ARHGEF2: variants seen among roughly 807,000 people sequenced by gnomAD.
ARHGEF2 encodes rho guanine nucleotide exchange factor 2.
Under a neutral mutation model 121.0 loss-of-function variants are expected in ARHGEF2, and 22 were observed. The observed-to-expected ratio is 0.18, with a 90% CI of 0.13 to 0.26. The LOEUF is 0.26. ARHGEF2 is among the 10% of genes least tolerant of loss of function. The pLI, the probability that ARHGEF2 is intolerant of heterozygous loss-of-function variation, is 1.00. For missense variants in ARHGEF2, 907 were observed against 1,336.0 expected, an observed-to-expected ratio of 0.68 and a Z score of 5.01; for synonymous variants, 487 against 530.0, an observed-to-expected ratio of 0.92 and a Z score of 1.11.
intron 14 of ARHGEF2, among the ~76,000 whole-genome samples, chr1:155,953,285 T>C (rs149243000): frequency 9.4e-5 from 14 of 148,262 alleles, no homozygotes; most frequent in Admixed American, 6.0e-4. Context: ...AAAAAAAGAT[T>C]TGTGGAAGGG....
chr1:155,973,022 CTT>C (rs1254738343), intron 1 of ARHGEF2, among the ~76,000 whole-genome samples: 1 of 152,078 alleles, frequency 6.6e-6, no homozygotes, highest in Non-Finnish European at 1.5e-5. Flanking sequence ...CATTCTGTCT[CTT>C]TCTCACAAAT....
At chr1:155,964,203 T>A (rs1368683101) in intron 7 of ARHGEF2, among the ~76,000 whole-genome samples, 1 of 132,482 alleles carries the variant, frequency 7.5e-6, no homozygotes, top group African/African-American at 3.0e-5. Context: ...TATATACATA[T>A]ATATATATAT....
chr1:155,952,304 C>G, intron 15 of ARHGEF2, 69 bp from the exon 16 acceptor site: 4 of 1,594,238 alleles, frequency 2.5e-6, no homozygotes, highest in Non-Finnish European at 3.4e-6. Flanking sequence ...CATTCACCCC[C>G]ACATGTGGGA....
Position 155,951,964 on chromosome 1 carries a change from A to G in ARHGEF2, c.2127T>C (p.Asn709=). 2 of 1,614,060 alleles carry G rather than the reference A, an allele frequency of 1.2e-6. No homozygotes were observed. The highest frequency in any genetic ancestry group is 1.7e-6 in the Non-Finnish European group (2 of 1,179,996). ...VTANGEARTF[N]GSIELCRADS... The stretch of plus-strand genomic sequence containing the variant: ...CAGCTCTGCAGAGTTCAATGGAGCC[A>G]TTGAAGGTTCTGGCCTCACCATCTG... Residue 709 remains asparagine, a synonymous_variant, in exon 17 of 22, where the codon AAT becomes AAC. Transcript: ENST00000361247. This position sits in a 1 kb window ranked among gnomAD's most constrained non-coding sequence, Gnocchi z 5.1.
Position 155,961,987 on chromosome 1 carries a change from C to T in ARHGEF2, c.1220-78G>A. On this transcript the variant is annotated intron_variant, in intron 10 of 21. Coordinates refer to ENST00000361247, the MANE Select transcript of ARHGEF2 (RefSeq NM_001162383.2). This position sits in a 1 kb window ranked among gnomAD's most constrained non-coding sequence, Gnocchi z 4.7. ...CAGTTCCCATCGTGTCTTGATTCCA[C>T]CTTTAGAGGCTGCCCAGGGTTTCAC... is the stretch of plus-strand genomic sequence containing the variant. 6.2e-7 allele frequency: 1 copy of T among 1,603,964 alleles called. No individual in the cohort carries two copies. Among genetic ancestry groups the T allele is most frequent in the East Asian group, 2.2e-5 (1 of 44,694 alleles).
chr1:155,965,830 C>T lies in ARHGEF2; in HGVS notation c.341-70G>A. On this transcript the variant is annotated intron_variant, in intron 4 of 21. Coordinates refer to ENST00000361247, the MANE Select transcript of ARHGEF2 (RefSeq NM_001162383.2). This position sits in a 1 kb window ranked among gnomAD's most constrained non-coding sequence, Gnocchi z 6.0. ...CTTCCCAGGATTGAGGCCTCCTAGG[C>T]TCCTCAATGAGGAATGAGGCATCCT... 6.6e-7 allele frequency: 1 copy of T among 1,509,374 alleles called. No individual in the cohort carries two copies. The highest frequency in any genetic ancestry group is 2.3e-5 in the East Asian group (1 of 43,312). The allele number at this position is 1,509,374 out of a possible 1,614,324, so 93.5% of individuals were successfully genotyped here.
At chr1:155,964,167 A>AAAAAATATATATAT (rs1553244640) in intron 7 of ARHGEF2, among the ~76,000 whole-genome samples, 1 of 91,240 alleles carries the variant, frequency 1.1e-5, no homozygotes, top group African/African-American at 6.1e-5. Flanking sequence ...AAAAAAAAAA[A>AAAAAATATATATAT]ATATATATAT....
rs1047659197 is a variant in ARHGEF2, at chr1:155,969,806, G to T, written c.64-506C>A. On this transcript the variant is annotated intron_variant, in intron 1 of 21. Coordinates refer to ENST00000361247, the MANE Select transcript of ARHGEF2 (RefSeq NM_001162383.2). ...CTGCTGTCTCTGTGGCAGTCACAGT[G>T]GGGGGGGCAGGAGATCCCCTTATTA... 123 of 985,812 alleles carry T rather than the reference G, an allele frequency of 1.2e-4. 1 individual carries two copies. Among genetic ancestry groups the T allele is most frequent in the African/African-American group, 4.0e-4 (23 of 56,882 alleles). The allele number at this position is 985,812 out of a possible 1,614,324, so 61.1% of individuals were successfully genotyped here.
intron 14 of ARHGEF2, among the ~76,000 whole-genome samples, chr1:155,953,886 A>G (rs1676049264): frequency 2.6e-5 from 4 of 152,124 alleles, no homozygotes; most frequent in African/African-American, 9.7e-5. Context: ...TAGAGATGAA[A>G]ACTTCATGTT....
intron 11 of ARHGEF2, 79 bp from the exon 12 acceptor site, chr1:155,958,475 C>A: frequency 8.4e-7 from 1 of 1,191,400 alleles, no homozygotes. Flanking sequence ...AAGGACCAGG[C>A]TTATCCCATC....
upstream of ARHGEF2, chr1:155,978,853 TG>T: frequency 1.0e-6 from 1 of 986,596 alleles, no homozygotes; most frequent in Non-Finnish European, 1.2e-6. The surrounding 1 kb of genome is among the most constrained non-coding windows in gnomAD (Gnocchi z 4.1). Context: ...CTTTCCCCTC[TG>T]CCCTCCCCTT....
intron 13 of ARHGEF2, 86 bp downstream of exon 13, chr1:155,957,627 T>G: frequency 1.4e-6 from 2 of 1,444,904 alleles, no homozygotes; most frequent in Non-Finnish European, 1.9e-6. Context: ...TGCTGGATTC[T>G]GTTCCCAGGG....
intron 1 of ARHGEF2, among the ~76,000 whole-genome samples, chr1:155,976,225 A>G (rs1427222379): frequency 6.6e-6 from 1 of 151,790 alleles, no homozygotes; most frequent in Non-Finnish European, 1.5e-5. Flanking sequence ...ACTTCCCACC[A>G]CAGTATAAAA....
At chr1:155,976,350 C>T (rs1681288575) in intron 1 of ARHGEF2, among the ~76,000 whole-genome samples, 1 of 151,870 alleles carries the variant, frequency 6.6e-6, no homozygotes, top group Non-Finnish European at 1.5e-5. Context: ...CCCTCCCCTT[C>T]CGACCGGCCC....
intron 2 of ARHGEF2, among the ~76,000 whole-genome samples, chr1:155,967,404 G>A (rs1679634391): frequency 6.6e-6 from 1 of 152,134 alleles, no homozygotes; most frequent in South Asian, 2.1e-4. Context: ...TTTCATGTAT[G>A]AGGAACCTGT....
Position 155,969,148 on chromosome 1 carries a change from CAACTT to C in ARHGEF2, c.208+3_208+7del. 6.2e-7 allele frequency: 1 copy of C among 1,613,974 alleles called. No individual in the cohort carries two copies. The highest frequency in any genetic ancestry group is 8.5e-7 in the Non-Finnish European group (1 of 1,179,884). ...GTCTGGGTGACTCTCAGGGTCCAAA[CAACTT>C]ACTTGGGCAGATGAGGGCTTCCTTG... On this transcript the variant is annotated splice_donor_5th_base_variant and intron_variant, in intron 2 of 21. Transcript: ENST00000361247.
intron 1 of ARHGEF2, among the ~76,000 whole-genome samples, chr1:155,977,447 AC>A (rs1369826586): frequency 6.6e-6 from 1 of 151,994 alleles, no homozygotes; most frequent in Non-Finnish European, 1.5e-5. Context: ...GGATAATTAT[AC>A]ACCCAGACTC....
chr1:155,971,071 C>T (rs907520426), intron 1 of ARHGEF2: 1 of 986,388 alleles, frequency 1.0e-6, no homozygotes, highest in Non-Finnish European at 1.2e-6. Flanking sequence ...CCTCTCCCGC[C>T]CACAGCCTCT....
chr1:155,964,975 G>A lies in ARHGEF2; in HGVS notation c.724+13C>T, dbSNP rs1286735977. 7 of 1,612,612 alleles carry A rather than the reference G, an allele frequency of 4.3e-6. No individual in the cohort carries two copies. The highest frequency in any genetic ancestry group is 2.2e-5 in the East Asian group (1 of 44,858). ...GGTGAAGGAAGAGGAAGACTAGGGT[G>A]GTCTTGGCTTACCATAGATGACATC... On this transcript the variant is annotated intron_variant, in intron 7 of 21. Transcript: ENST00000361247.
Sources: allele counts gnomAD v4.1 joint callset (sites outside exome capture counted in the v4.1 genomes callset), GRCh38; gene constraint gnomAD v4.1.1; non-coding constraint Gnocchi (gnomAD v3.1); transcripts MANE v1.5; gene names NCBI Gene and HGNC (gene_info 2026-07-23, HGNC 2026-07-21).